UNC5CL: variants seen among roughly 807,000 people sequenced by gnomAD.
The protein encoded by UNC5CL is UNC5C-like protein.
UNC5CL carries 42 observed loss-of-function variants against 54.1 expected under a neutral mutation model. That is an observed-to-expected ratio of 0.78 (90% CI 0.61 to 1.00). The LOEUF (loss-of-function observed/expected upper bound fraction) is 1.00, where lower values mean the gene tolerates loss of function less well. Ranked by LOEUF, UNC5CL falls within the 50% of genes least tolerant of loss-of-function variation. The probability of loss-of-function intolerance (pLI) is 0.00; values close to 1 mark genes in which losing one functional copy is unlikely to be tolerated. For synonymous variants in UNC5CL, 285 were observed against 285.1 expected (o/e 1.00, Z 0.00); for missense variants, 619 against 675.6 (o/e 0.92, Z 0.93).
rs1397952238 is a variant in UNC5CL, at chr6:41,035,018, G to T, written c.57C>A (p.Val19=). The T allele has an allele frequency of 1.9e-6, 3 of 1,601,080 alleles. No homozygotes were observed. The highest frequency in any genetic ancestry group is 1.7e-6 in the Non-Finnish European group (2 of 1,170,030). Residue 19 remains valine (V), a synonymous_variant, in exon 2 of 9, where the codon GTC becomes GTA. Transcript: ENST00000244565. ...QPSQFLLLVG[V]PVASVLLLAQ... ...CCAGAAGGAGGACACTTGCCACTGG[G>T]ACCCCCACCAGCAGTAGGAACTGGG...
In UNC5CL at chr6:41,028,611, G is replaced by C; in HGVS notation, c.1335-16C>G. The stretch of plus-strand genomic sequence containing the variant: ...GGACAGGAACCTGGCCCGAGGTAGG[G>C]GAGGAAGAGAAGGGTGTAGGAGCAG... On this transcript the variant is annotated splice_polypyrimidine_tract_variant and intron_variant, in intron 8 of 8. Transcript: ENST00000244565. The surrounding 1 kb of genome is among the most constrained non-coding windows in gnomAD (Gnocchi z 4.3). The C allele has an allele frequency of 6.2e-7, 1 of 1,610,256 alleles. No homozygotes were observed. The highest frequency in any genetic ancestry group is 8.5e-7 in the Non-Finnish European group (1 of 1,179,062).
At chr6:41,036,091 G>A (rs541586137) in intron 1 of UNC5CL, among the ~76,000 whole-genome samples, 32 of 152,346 alleles carry the variant, frequency 2.1e-4, no homozygotes, top group Non-Finnish European at 3.4e-4. Context: ...AAGGTCTGGA[G>A]CAGTGGTGTA....
In UNC5CL at chr6:41,028,130, G is replaced by A. The variant is rs1762409076; in HGVS notation, c.*243C>T. 3.7e-6 allele frequency: 2 copies of A among 541,986 alleles called. No homozygotes were observed. Among genetic ancestry groups the A allele is most frequent in the Admixed American group, 3.6e-5 (1 of 28,018 alleles). The allele number at this position is 541,986 out of a possible 1,614,324, so 33.6% of individuals were successfully genotyped here. A position where few individuals can be genotyped will look rare whatever the true frequency, so the allele number is the denominator to read the frequency against. On this transcript the variant is annotated 3_prime_UTR_variant, in exon 9 of 9. Coordinates refer to ENST00000244565, the MANE Select transcript of UNC5CL (RefSeq NM_173561.3). This position sits in a 1 kb window ranked among gnomAD's most constrained non-coding sequence, Gnocchi z 4.3. ...CAGTTTGGCAGGCTGGCCACGCTGA[G>A]GCCATCTCCTGGGCTCCTGCGCCCT...
intron 1 of UNC5CL, among the ~76,000 whole-genome samples, chr6:41,037,686 A>G (rs1174429555): frequency 1.3e-5 from 2 of 152,172 alleles, no homozygotes; most frequent in Non-Finnish European, 2.9e-5. Flanking sequence ...TAAAGAGCCA[A>G]CCCAGCAGAC....
At position 41,028,349 on chromosome 6, in the gene UNC5CL, C is replaced by T. The variant is rs1056433004; in HGVS notation, c.*24G>A. The T allele has an allele frequency of 1.9e-6, 3 of 1,544,616 alleles. No individual in the cohort carries two copies. Among genetic ancestry groups the T allele is most frequent in the Non-Finnish European group, 2.6e-6 (3 of 1,147,346 alleles). ...AACAACCCCTCTCGCCCCTACACCT[C>T]CTCCGGCCCTGCCCGCTGGGCGCTC... On this transcript the variant is annotated 3_prime_UTR_variant, in exon 9 of 9. Transcript: ENST00000244565. The surrounding 1 kb of genome is among the most constrained non-coding windows in gnomAD (Gnocchi z 4.3).
intron 1 of UNC5CL, 79 bp downstream of exon 1, chr6:41,039,082 GC>G (rs1762553042): frequency 6.6e-6 from 1 of 152,548 alleles, no homozygotes; most frequent in East Asian, 1.9e-4. Flanking sequence ...AGCTGGCCTG[GC>G]TCCTCCCCCG....
Position 41,028,639 on chromosome 6 carries a change from A to G in UNC5CL, c.1335-44T>C. 1 of 1,564,984 alleles carries G rather than the reference A, an allele frequency of 6.4e-7. No individual in the cohort carries two copies. The highest frequency in any genetic ancestry group is 8.7e-7 in the Non-Finnish European group (1 of 1,145,916). Reference sequence around the variant, plus strand: ...GGAAGAGAAGGGTGTAGGAGCAGGGAGGGGCTCCCCCCCTGCTGCAGGCTC... The same window carrying G: ...GGAAGAGAAGGGTGTAGGAGCAGGGGGGGGCTCCCCCCCTGCTGCAGGCTC... On this transcript the variant is annotated intron_variant, in intron 8 of 8. Transcript: ENST00000244565. This position sits in a 1 kb window ranked among gnomAD's most constrained non-coding sequence, Gnocchi z 4.3.
intron 1 of UNC5CL, among the ~76,000 whole-genome samples, chr6:41,036,963 C>G (rs990443859): frequency 2.0e-5 from 3 of 151,914 alleles, no homozygotes; most frequent in African/African-American, 7.2e-5. Flanking sequence ...CAATTTCCAA[C>G]ACGCCTGCCC....
chr6:41,028,432 C>T lies in UNC5CL; in HGVS notation c.1498G>A (p.Gly500Ser), dbSNP rs747887633. ...TCCCGGGCGCCCCCGCGCTCGGGGC[C>T]TGGGCTGCCGCCGTGTGTCCCACTC... ...YLSGTHGGSP[G>S]PERGGARDNQ... The change falls in exon 9 of 9, where the codon GGC becomes AGC. Residue 500 changes from glycine (G) to serine (S), a missense_variant. By Grantham distance (56) the Gly-to-Ser change is moderately conservative (BLOSUM62 0). Transcript: ENST00000244565. This position sits in a 1 kb window ranked among gnomAD's most constrained non-coding sequence, Gnocchi z 4.3. 3 of 1,612,636 alleles carry T rather than the reference C, an allele frequency of 1.9e-6. No individual in the cohort carries two copies. Among genetic ancestry groups the T allele is most frequent in the Admixed American group, 1.7e-5 (1 of 59,894 alleles).
chr6:41,038,752 G>A (rs1762549745), intron 1 of UNC5CL, among the ~76,000 whole-genome samples: 1 of 152,236 alleles, frequency 6.6e-6, no homozygotes, highest in South Asian at 2.1e-4. Flanking sequence ...CCTGTCCCTA[G>A]GCAGTTGCAT....
At chr6:41,035,448 T>C (rs763784776) in intron 1 of UNC5CL, among the ~76,000 whole-genome samples, 1 of 152,058 alleles carries the variant, frequency 6.6e-6, no homozygotes, top group South Asian at 2.1e-4. Context: ...AGCCCCAAAA[T>C]TGGGGCTTAG....
intron 4 of UNC5CL, 124 bp from the exon 5 acceptor site, chr6:41,032,261 C>T: frequency 1.3e-6 from 1 of 783,040 alleles, no homozygotes; most frequent in Admixed American, 2.3e-5. Context: ...TGGGAATCCC[C>T]AGAGCCTGGG....
At chr6:41,035,426 G>T (rs958124172) in intron 1 of UNC5CL, among the ~76,000 whole-genome samples, 2 of 152,238 alleles carry the variant, frequency 1.3e-5, no homozygotes, top group African/African-American at 4.8e-5. Flanking sequence ...TCATATTGAT[G>T]TAAGGCAGGA....
chr6:41,036,009 G>T lies in UNC5CL; in HGVS notation c.-61-874C>A, dbSNP rs370782432. On this transcript the variant is annotated intron_variant, in intron 1 of 8. Transcript: ENST00000244565. ...GATAAAATATTCTGAGCTCATTAAT[G>T]TGAAAAACAAAACTGCATATAAATA... Among the ~76,000 whole-genome samples, 17 of 152,324 alleles carry T rather than the reference G, an allele frequency of 1.1e-4. No individual in the cohort carries two copies. In the East Asian group the frequency reaches 3.1e-3, roughly 28 times the overall value.
In UNC5CL at chr6:41,034,763, C is replaced by T. The variant is rs751416466; in HGVS notation, c.312G>A (p.Ser104=). The T allele has an allele frequency of 2.2e-5, 36 of 1,613,324 alleles. No homozygotes were observed. The highest frequency in any genetic ancestry group is 1.1e-4 in the East Asian group (5 of 44,900). The change falls in exon 2 of 9, where the codon TCG becomes TCA. Residue 104 remains serine (S), a synonymous_variant. Transcript: ENST00000244565. ...RQLMHKLLVF[S]AREVDHRGGC... ...CGCCGCGGTGATCCACCTCTCGAGC[C>T]GAAAACACCAACAGTTTGTGCATCA...
At position 41,034,958 on chromosome 6, in the gene UNC5CL, C is replaced by A. The variant is rs1478129264; in HGVS notation, c.117G>T (p.Leu39=). 3.7e-6 allele frequency: 6 copies of A among 1,613,886 alleles called. No homozygotes were observed. Among genetic ancestry groups the A allele is most frequent in the Non-Finnish European group, 5.1e-6 (6 of 1,179,872 alleles). Residue 39 remains leucine (L), a synonymous_variant, in exon 2 of 9, where the codon CTG becomes CTT. Coordinates refer to ENST00000244565, the MANE Select transcript of UNC5CL (RefSeq NM_173561.3). ...CATTCAGTGTCCAGCAGGCCCCCAG[C>A]AGCCTTCTAGGGCAGTGCCATCGAA... The part of the protein sequence containing the change: ...QCLRWHCPRR[L]LGACWTLNGQ...
intron 2 of UNC5CL, 61 bp downstream of exon 2, chr6:41,034,629 G>A: frequency 5.2e-6 from 8 of 1,550,482 alleles, no homozygotes; most frequent in Non-Finnish European, 7.0e-6. Context: ...TCCCTCAGAT[G>A]TGGTGACCTA....
In UNC5CL at chr6:41,034,838, G is replaced by A; in HGVS notation, c.237C>T (p.Phe79=). Residue 79 remains phenylalanine (F), a synonymous_variant, in exon 2 of 9, where the codon TTC becomes TTT. Coordinates refer to ENST00000244565, the MANE Select transcript of UNC5CL (RefSeq NM_173561.3). ...GAGTGGGTGTGTGTAGCTCCTGGTA[G>A]AAGGCAACCATCTCTGGCAGTGTGG... ...LPATLPEMVA[F]YQELHTPTQG... 3 of 1,614,264 alleles carry A rather than the reference G, an allele frequency of 1.9e-6. No individual in the cohort carries two copies. The South Asian group carries it at 3.3e-5, about 18-fold the overall frequency.
intron 5 of UNC5CL, 41 bp downstream of exon 5, chr6:41,031,995 A>G (rs1336751613): frequency 6.3e-7 from 1 of 1,595,150 alleles, no homozygotes; most frequent in South Asian, 1.1e-5. Context: ...ACAGGATGGG[A>G]AAAGAGAGGG....
Sources: gnomAD v4.1 joint callset for allele counts (sites outside exome capture counted in the v4.1 genomes callset) on GRCh38, gnomAD v4.1.1 for gene constraint, Gnocchi (gnomAD v3.1) non-coding constraint, MANE v1.5 for transcripts, NCBI Gene and HGNC (gene_info 2026-07-23, HGNC 2026-07-21) for gene names.